ANKIB1: variants seen among roughly 807,000 people sequenced by gnomAD.
The protein encoded by ANKIB1 is ankyrin repeat and IBR domain containing 1.
Under a neutral mutation model 122.1 loss-of-function variants are expected in ANKIB1, and 43 were observed. The ratio of observed to expected loss-of-function variants is 0.35; its 90% confidence interval spans 0.28 to 0.45. ANKIB1 has a LOEUF of 0.45. Among genes scored for constraint, ANKIB1 ranks in the 20% least tolerant of loss-of-function variants. The probability of loss-of-function intolerance (pLI) is 1.00; values close to 1 mark genes in which losing one functional copy is unlikely to be tolerated. For missense variants in ANKIB1, 992 were observed against 1,329.5 expected (o/e 0.75, Z 3.95); for synonymous variants, 390 against 442.0 (o/e 0.88, Z 1.48).
At chr7:92,283,677 C>T (rs2131904931) in intron 1 of ANKIB1, among the ~76,000 whole-genome samples, 1 of 152,302 alleles carries the variant, frequency 6.6e-6, no homozygotes, top group South Asian at 2.1e-4. Flanking sequence ...GAAAAAATGC[C>T]TATCGCCTAG....
chr7:92,305,774 C>A (rs997662289), intron 2 of ANKIB1, among the ~76,000 whole-genome samples: 3 of 152,206 alleles, frequency 2.0e-5, no homozygotes, highest in African/African-American at 4.8e-5. Context: ...AAAACCTGAG[C>A]AAACTGTACT....
At chr7:92,298,175 T>C (rs1802393494) in intron 2 of ANKIB1, among the ~76,000 whole-genome samples, 1 of 152,100 alleles carries the variant, frequency 6.6e-6, no homozygotes, top group African/African-American at 2.4e-5. Context: ...GCTAGACACC[T>C]AGTTTGTTCT....
chr7:92,289,105 C>G (rs1802195916), intron 1 of ANKIB1, among the ~76,000 whole-genome samples: 1 of 152,204 alleles, frequency 6.6e-6, no homozygotes. Context: ...CAGCTGGAAA[C>G]AACCAAGTTG....
At chr7:92,309,334 C>G (rs1321313367) in intron 3 of ANKIB1, among the ~76,000 whole-genome samples, 4 of 152,188 alleles carry the variant, frequency 2.6e-5, no homozygotes, top group Non-Finnish European at 1.5e-5. Context: ...ATCTCCCTCC[C>G]TCATCTTCTG....
chr7:92,342,971 T>C (rs1429392842), intron 5 of ANKIB1, 53 bp from the exon 6 acceptor site: 2 of 1,526,144 alleles, frequency 1.3e-6, no homozygotes, highest in Non-Finnish European at 1.8e-6. Context: ...ATAGCTTTTA[T>C]AACATTACCA....
intron 11 of ANKIB1, among the ~76,000 whole-genome samples, chr7:92,384,944 C>T (rs866257039): frequency 2.2e-4 from 33 of 152,142 alleles, no homozygotes; most frequent in Middle Eastern, 3.2e-3. Flanking sequence ...TCAGAGTGAA[C>T]AGGCAAACCT....
chr7:92,371,068 A>G (rs1804239189), intron 10 of ANKIB1, among the ~76,000 whole-genome samples: 1 of 152,134 alleles, frequency 6.6e-6, no homozygotes, highest in Non-Finnish European at 1.5e-5. Flanking sequence ...AGAGTTTCTG[A>G]TCATTATATT....
Position 92,307,484 on chromosome 7 carries a change from G to A in ANKIB1, c.314G>A (p.Arg105His), listed in dbSNP as rs759267009. 39 of 1,613,678 alleles carry A rather than the reference G, an allele frequency of 2.4e-5. No homozygotes were observed. The highest frequency in any genetic ancestry group is 3.0e-5 in the Non-Finnish European group (35 of 1,179,874). The change falls in exon 3 of 20, where the codon CGC becomes CAC. Residue 105 changes from arginine (R) to histidine (H), a missense_variant. Arg to His is a conservative substitution (Grantham distance 29). Around this residue, in one of 4 missense-constraint regions of ANKIB1, gnomAD observed 33 missense variants for 27.5 expected, o/e 1.20. Coordinates refer to ENST00000265742, the MANE Select transcript of ANKIB1 (RefSeq NM_019004.2). The stretch of plus-strand genomic sequence containing the variant: ...GGAGCCCTTCATCCTCGCTTGGCAC[G>A]CCCCACAGAAGATGATTTCAGAAGA... ...SEGALHPRLARPTEDDFRRAD... is the reference protein window; with the variant it reads ...SEGALHPRLAHPTEDDFRRAD...
intron 11 of ANKIB1, among the ~76,000 whole-genome samples, chr7:92,376,062 A>G (rs1169823568): frequency 6.6e-6 from 1 of 152,210 alleles, no homozygotes; most frequent in Non-Finnish European, 1.5e-5. Flanking sequence ...TATTCAGTAA[A>G]CCATGCCATA....
chr7:92,396,654 T>G (rs560207178), intron 18 of ANKIB1, among the ~76,000 whole-genome samples, 178 bp downstream of exon 18: 1 of 152,136 alleles, frequency 6.6e-6, no homozygotes, highest in Non-Finnish European at 1.5e-5. Flanking sequence ...GTCTGTGGAG[T>G]TAGGCAAACT....
chr7:92,309,962 T>TATATATATATATAAAA (rs1030276754), intron 3 of ANKIB1, among the ~76,000 whole-genome samples: 2 of 139,414 alleles, frequency 1.4e-5, no homozygotes, highest in African/African-American at 2.7e-5. Context: ...TATATATATA[T>TATATATATATATAAAA]AAATTAAATG....
intron 12 of ANKIB1, 54 bp downstream of exon 12, chr7:92,386,697 G>T: frequency 7.2e-7 from 1 of 1,391,816 alleles, no homozygotes; most frequent in Non-Finnish European, 9.4e-7. Context: ...ACTGCCACTG[G>T]AATTATTTTG....
rs1372297258 is a variant in ANKIB1, at chr7:92,400,006, CAT to C, written c.*1058_*1059del. On this transcript the variant is annotated 3_prime_UTR_variant, in exon 20 of 20. Coordinates refer to ENST00000265742, the MANE Select transcript of ANKIB1 (RefSeq NM_019004.2). The stretch of plus-strand genomic sequence containing the variant: ...AAATTCAGTAAAACATCCTGCGCAA[CAT>C]GTTACCGTGCCTTTGCCTAACCTAA... 3.9e-5 allele frequency: 6 copies of C among 152,206 alleles called. No individual in the cohort carries two copies. Among genetic ancestry groups the C allele is most frequent in the African/African-American group, 1.2e-4 (5 of 41,460 alleles). The allele number at this position is 152,206 out of a possible 1,614,324, so 9.4% of individuals were successfully genotyped here.
intron 11 of ANKIB1, among the ~76,000 whole-genome samples, chr7:92,376,091 C>T (rs192651382): frequency 1.5e-4 from 23 of 152,288 alleles, no homozygotes; most frequent in African/African-American, 5.3e-4. Context: ...GGCTGCCATC[C>T]AGGCTTCATT....
At chr7:92,301,353 T>C (rs1173811408) in intron 2 of ANKIB1, among the ~76,000 whole-genome samples, 4 of 151,920 alleles carry the variant, frequency 2.6e-5, no homozygotes, top group Non-Finnish European at 4.4e-5. Context: ...TTGCCATCAC[T>C]TACCTTTTTT....
At chr7:92,339,627 G>A (rs1331964716) in intron 5 of ANKIB1, among the ~76,000 whole-genome samples, 4 of 152,094 alleles carry the variant, frequency 2.6e-5, no homozygotes, top group African/African-American at 9.7e-5. Flanking sequence ...AGATAAAATC[G>A]ATTGCAATAT....
At chr7:92,333,235 C>T (rs1803212466) in intron 5 of ANKIB1, among the ~76,000 whole-genome samples, 1 of 152,180 alleles carries the variant, frequency 6.6e-6, no homozygotes, top group African/African-American at 2.4e-5. Flanking sequence ...CTGCCTATCA[C>T]TCCTAAACTG....
intron 5 of ANKIB1, among the ~76,000 whole-genome samples, chr7:92,334,036 CTT>C (rs1378914527): frequency 6.6e-6 from 1 of 152,100 alleles, no homozygotes; most frequent in African/African-American, 2.4e-5. Flanking sequence ...ATAATGACCA[CTT>C]TTAATGACTA....
At chr7:92,263,852 A>G (rs1297687500) in intron 1 of ANKIB1, among the ~76,000 whole-genome samples, 1 of 152,206 alleles carries the variant, frequency 6.6e-6, no homozygotes, top group Non-Finnish European at 1.5e-5. Flanking sequence ...TATGATTTCA[A>G]GTATTACTTA....
Sources: allele counts gnomAD v4.1 joint callset (sites outside exome capture counted in the v4.1 genomes callset), GRCh38; gene constraint gnomAD v4.1.1; regional missense constraint gnomAD v4.1.1; transcripts MANE v1.5; gene names NCBI Gene and HGNC (gene_info 2026-07-23, HGNC 2026-07-21).